The following MYO1B variants were observed in gnomAD, a reference collection of about 807,000 sequenced individuals.
The protein encoded by MYO1B is unconventional myosin-Ib.
A neutral mutation model predicts 159.7 loss-of-function variants in MYO1B; 72 were observed. The ratio of observed to expected loss-of-function variants is 0.45; its 90% CI spans 0.37 to 0.55. MYO1B has a LOEUF of 0.55. Ranked by LOEUF, MYO1B falls within the 20% of genes least tolerant of loss-of-function variation. The pLI is 0.00. For synonymous variants in MYO1B, 468 were observed against 473.8 expected (o/e 0.99, Z 0.16); for missense variants, 1,062 against 1,364.8 (o/e 0.78, Z 3.50).
chr2:191,300,444 A>G (rs779960299), intron 3 of MYO1B, among the ~76,000 whole-genome samples: 1 of 151,524 alleles, frequency 6.6e-6, no homozygotes, highest in Non-Finnish European at 1.5e-5. Context: ...CCCAGGTTCA[A>G]GCAATTCTCC....
At chr2:191,304,911 C>T (rs990968282) in intron 3 of MYO1B, among the ~76,000 whole-genome samples, 2 of 152,088 alleles carry the variant, frequency 1.3e-5, no homozygotes, top group African/African-American at 2.4e-5. Flanking sequence ...TATGTTCACA[C>T]CGGCATACAC....
In MYO1B at chr2:191,374,080, A is replaced by T. The variant is rs1694548079; in HGVS notation, c.1185+3788A>T. On this transcript the variant is annotated intron_variant, in intron 13 of 30. Transcript: ENST00000392318. ...CGTGTTTTTCTTCTTTTAATAAATTATTCACATACATTCCCAGATGCCAGC... is the reference window on the plus strand; with the variant it reads ...CGTGTTTTTCTTCTTTTAATAAATTTTTCACATACATTCCCAGATGCCAGC... Among the ~76,000 whole-genome samples the T allele has an allele frequency of 1.3e-5, 2 of 152,152 alleles. 1 individual carries two copies.
At chr2:191,322,797 AC>A (rs1291501293) in intron 3 of MYO1B, among the ~76,000 whole-genome samples, 1 of 152,090 alleles carries the variant, frequency 6.6e-6, no homozygotes, top group Non-Finnish European at 1.5e-5. Flanking sequence ...CCCAATCCAG[AC>A]CCCAAGAGAG....
At chr2:191,389,887 G>A (rs998038733) in intron 17 of MYO1B, among the ~76,000 whole-genome samples, 2 of 152,168 alleles carry the variant, frequency 1.3e-5, no homozygotes, top group African/African-American at 4.8e-5. Flanking sequence ...ATTCCCTTGT[G>A]TCCCTTGCAT....
intron 6 of MYO1B, among the ~76,000 whole-genome samples, chr2:191,348,270 A>T (rs1454817330): frequency 6.6e-6 from 1 of 151,996 alleles, no homozygotes; most frequent in Non-Finnish European, 1.5e-5. Flanking sequence ...TTTTACTCTC[A>T]GCTCATGATG....
At chr2:191,319,791 A>AT (rs1690583892) in intron 3 of MYO1B, among the ~76,000 whole-genome samples, 1 of 152,150 alleles carries the variant, frequency 6.6e-6, no homozygotes, top group African/African-American at 2.4e-5. Flanking sequence ...AACTGATACA[A>AT]TTTTGCTTTG....
rs576491955 is a variant in MYO1B, at chr2:191,366,394, T to A, written c.1032+2118T>A. The stretch of plus-strand genomic sequence containing the variant: ...CTCCTTAGTCAACTGTTTTTTTTTT[T>A]ATTTTTAATGTAGTACTCAGAGTAT... On this transcript the variant is annotated intron_variant, in intron 11 of 30. Transcript: ENST00000392318. Among the ~76,000 whole-genome samples, 221 of 152,214 alleles carry A rather than the reference T, an allele frequency of 1.5e-3. 1 individual carries two copies. Among genetic ancestry groups the A allele is most frequent in the African/African-American group, 5.2e-3 (216 of 41,530 alleles).
At chr2:191,405,159 G>C (rs1224682233) in intron 24 of MYO1B, among the ~76,000 whole-genome samples, 1 of 152,224 alleles carries the variant, frequency 6.6e-6, no homozygotes, top group African/African-American at 2.4e-5. Context: ...TTCATCAGGA[G>C]TAGATTCCAT....
In MYO1B at chr2:191,301,483, C is replaced by G. The variant is rs143908901; in HGVS notation, c.251+5257C>G. 4.4e-3 allele frequency among the ~76,000 whole-genome samples: 669 copies of G among 152,290 alleles called. 5 individuals carry two copies. The highest frequency in any genetic ancestry group is 0.01 in the Middle Eastern group (3 of 294). On this transcript the variant is annotated intron_variant, in intron 3 of 30. Coordinates refer to ENST00000392318, the MANE Select transcript of MYO1B (RefSeq NM_001130158.3). ...ACACCACAAGTGGAAAACACCACTCCTGACCTCCAAATGCAGTCAAAATGC... is the reference window on the plus strand; with the variant it reads ...ACACCACAAGTGGAAAACACCACTCGTGACCTCCAAATGCAGTCAAAATGC...
At chr2:191,330,293 C>A (rs575978329) in intron 4 of MYO1B, among the ~76,000 whole-genome samples, 1 of 152,160 alleles carries the variant, frequency 6.6e-6, no homozygotes. Flanking sequence ...GGTGCAAGAT[C>A]TTTTTACTTT....
At chr2:191,246,731 C>T (rs1184985723) in intron 1 of MYO1B, among the ~76,000 whole-genome samples, 2 of 152,248 alleles carry the variant, frequency 1.3e-5, no homozygotes, top group East Asian at 1.9e-4. Flanking sequence ...TATAGTACAA[C>T]AGTTTTCCAG....
intron 24 of MYO1B, among the ~76,000 whole-genome samples, chr2:191,403,889 A>G (rs1696756050): frequency 6.6e-6 from 1 of 152,194 alleles, no homozygotes; most frequent in Admixed American, 6.5e-5. Flanking sequence ...GTTTAACTGC[A>G]TATGATTTCA....
intron 1 of MYO1B, among the ~76,000 whole-genome samples, chr2:191,261,003 A>G (rs957537846): frequency 2.8e-4 from 43 of 152,222 alleles, no homozygotes; most frequent in African/African-American, 9.2e-4. Flanking sequence ...TTTAGAAAAC[A>G]GTCTAAGCTT....
At chr2:191,261,585 G>A (rs759184576) in intron 1 of MYO1B, among the ~76,000 whole-genome samples, 8 of 152,146 alleles carry the variant, frequency 5.3e-5, no homozygotes, top group Non-Finnish European at 1.2e-4. Flanking sequence ...AGTACCTTCT[G>A]GAACGTTGCT....
At chr2:191,408,375 A>G (rs1697058243) in intron 25 of MYO1B, among the ~76,000 whole-genome samples, 186 bp downstream of exon 25, 1 of 152,252 alleles carries the variant, frequency 6.6e-6, no homozygotes, top group Admixed American at 6.5e-5. Flanking sequence ...TTCTGGTAGA[A>G]TTGTGTCAGA....
At chr2:191,346,101 A>C in intron 5 of MYO1B, 135 bp from the exon 6 acceptor site, 1 of 693,136 alleles carries the variant, frequency 1.4e-6, no homozygotes, top group Non-Finnish European at 2.4e-6. Context: ...TTTCTATGGA[A>C]GTTTTGGACA....
chr2:191,362,085 C>A (rs775557128), intron 8 of MYO1B, among the ~76,000 whole-genome samples, 183 bp from the exon 9 acceptor site: 1 of 152,140 alleles, frequency 6.6e-6, no homozygotes, highest in Non-Finnish European at 1.5e-5. Context: ...TGTGCTATCA[C>A]AGTGATTAAA....
chr2:191,292,167 T>C (rs1295411770), intron 2 of MYO1B, among the ~76,000 whole-genome samples: 1 of 152,234 alleles, frequency 6.6e-6, no homozygotes, highest in African/African-American at 2.4e-5. Context: ...TAGTTTCTTT[T>C]AGTGTTTGCT....
chr2:191,283,000 C>G (rs1242129066), intron 2 of MYO1B, among the ~76,000 whole-genome samples: 1 of 152,202 alleles, frequency 6.6e-6, no homozygotes, highest in Non-Finnish European at 1.5e-5. Flanking sequence ...AACGGAGACA[C>G]AGCTTTAGAA....
Sources: allele counts gnomAD v4.1 joint callset (sites outside exome capture counted in the v4.1 genomes callset), GRCh38; gene constraint gnomAD v4.1.1; transcripts MANE v1.5; gene names NCBI Gene and HGNC (gene_info 2026-07-23, HGNC 2026-07-21).